Variants in NOS3 observed in about 807,000 individuals in gnomAD.
NOS3 encodes nitric oxide synthase 3.
Under a neutral mutation model 144.9 loss-of-function variants are expected in NOS3, and 98 were observed. The observed-to-expected ratio is 0.68, with a 90% CI of 0.57 to 0.80. The LOEUF (loss-of-function observed/expected upper bound fraction) is 0.80. Ranked by LOEUF, NOS3 falls within the 30% of genes least tolerant of loss-of-function variation. NOS3 has a pLI of 0.00. For missense variants in NOS3, 1,465 were observed against 1,656.4 expected (o/e 0.88, Z 2.01); for synonymous variants, 714 against 702.4 (o/e 1.02, Z -0.26).
Position 151,010,122 on chromosome 7 carries a change from TC to T in NOS3, c.2526del (p.Gly843AlafsTer115). On this transcript the variant is annotated frameshift_variant, in exon 21 of 27. Coordinates refer to ENST00000297494, the MANE Select transcript of NOS3 (RefSeq NM_000603.5). LOFTEE classifies it high-confidence loss of function. ...CCTGTGCACTATCCCCAGGTGGCCC[TC>T]CCCCCGGCTGGGTGCGGGACCCCCG... Reference protein sequence around the residue: ...QLEKGSPGGPPPGWVRDPRLP... With the variant: ...QLEKGSPGGPXPGWVRDPRLP... 6 of 1,591,236 alleles carry T rather than the reference TC, an allele frequency of 3.8e-6. No individual in the cohort carries two copies. The highest frequency in any genetic ancestry group is 4.3e-6 in the Non-Finnish European group (5 of 1,163,992).
chr7:151,006,627 C>G, intron 15 of NOS3, 133 bp downstream of exon 15: 1 of 793,964 alleles, frequency 1.3e-6, no homozygotes, highest in Non-Finnish European at 2.1e-6. Context: ...TCCAGGATGC[C>G]CTCCATTCCA....
Position 151,003,842 on chromosome 7 carries a change from T to A in NOS3, c.1752+1538T>A. ...CTGAGTGCCGTTCATTGTGTGAATA[T>A]CCCCAGTTTGTTTACCCATTCTCTT... On this transcript the variant is annotated intron_variant, in intron 14 of 26. Coordinates refer to ENST00000297494, the MANE Select transcript of NOS3 (RefSeq NM_000603.5). The surrounding 1 kb of genome is among the most constrained non-coding windows in gnomAD (Gnocchi z 4.1). 2.4e-6 allele frequency: 1 copy of A among 413,386 alleles called. No homozygotes were observed. The highest frequency in any genetic ancestry group is 5.1e-4 in the Middle Eastern group (1 of 1,970). The allele number at this position is 413,386 out of a possible 1,614,324, so 25.6% of individuals were successfully genotyped here.
chr7:150,996,687 G>T, intron 4 of NOS3, 76 bp from the exon 5 acceptor site: 2 of 1,525,468 alleles, frequency 1.3e-6, no homozygotes, highest in Non-Finnish European at 8.9e-7. Flanking sequence ...CCCAGCACTT[G>T]CACAAAGCCT....
intron 17 of NOS3, 52 bp downstream of exon 17, chr7:151,007,328 C>G (rs780051881): frequency 6.6e-7 from 1 of 1,520,250 alleles, no homozygotes; most frequent in South Asian, 1.2e-5. Flanking sequence ...GATGCCTCCT[C>G]CTGCCTCACT....
chr7:150,995,180 A>G, intron 2 of NOS3, 23 bp from the exon 3 acceptor site: 1 of 1,370,908 alleles, frequency 7.3e-7, no homozygotes, highest in Non-Finnish European at 1.0e-6. Flanking sequence ...CTTCCTGATG[A>G]CCCTATCCCT....
Position 151,006,483 on chromosome 7 carries a change from G to A in NOS3, c.1809G>A (p.Pro603=), listed in dbSNP as rs144881606. The change falls in exon 15 of 27, where the codon CCG becomes CCA. Residue 603 remains proline, a synonymous_variant. Transcript: ENST00000297494. ...MSGPYNSSPR[P]EQHKSYKIRF... ...GCCCCTACAACAGCTCCCCTCGGCC[G>A]GAACAGCACAAGTGAGTTGGGTGAG... 2.4e-4 allele frequency: 389 copies of A among 1,613,570 alleles called. No individual in the cohort carries two copies. The highest frequency in any genetic ancestry group is 2.8e-4 in the Non-Finnish European group (333 of 1,179,782).
chr7:151,003,406 G>C lies in NOS3; in HGVS notation c.1752+1102G>C. 8.2e-7 allele frequency: 1 copy of C among 1,225,602 alleles called. No individual in the cohort carries two copies. Among genetic ancestry groups the C allele is most frequent in the Non-Finnish European group, 1.0e-6 (1 of 954,934 alleles). The allele number at this position is 1,225,602 out of a possible 1,614,324, so 75.9% of individuals were successfully genotyped here. On this transcript the variant is annotated intron_variant, in intron 14 of 26. Transcript: ENST00000297494. This position sits in a 1 kb window ranked among gnomAD's most constrained non-coding sequence, Gnocchi z 4.1. ...CTCCCAAAGTGCTGCGATTATAGAC[G>C]TGAGCCACTGCACCTGGCCCTCAGT...
chr7:150,993,013 A>T lies in NOS3; in HGVS notation c.-51-740A>T, dbSNP rs1802287371. Among the ~76,000 whole-genome samples the T allele has an allele frequency of 1.3e-5, 2 of 152,082 alleles. No individual in the cohort carries two copies. Among genetic ancestry groups the T allele is most frequent in the South Asian group, 4.1e-4 (2 of 4,824 alleles). ...GGCCGGCTGACCCTGCCTCAGCCCT[A>T]GTCTCTCTGCTGACCTGCGGCCCCG... is the stretch of plus-strand genomic sequence containing the variant. On this transcript the variant is annotated intron_variant, in intron 1 of 26. Coordinates refer to ENST00000297494, the MANE Select transcript of NOS3 (RefSeq NM_000603.5). This position sits in a 1 kb window ranked among gnomAD's most constrained non-coding sequence, Gnocchi z 4.0.
At chr7:151,013,971 G>A (rs757162680) in intron 26 of NOS3, 37 bp from the exon 27 acceptor site, 27 of 1,607,416 alleles carry the variant, frequency 1.7e-5, no homozygotes, top group Non-Finnish European at 2.3e-5. Flanking sequence ...TAAGGTCTCC[G>A]AGTCGGGTTC....
In NOS3 at chr7:151,009,007, G is replaced by A; in HGVS notation, c.2190G>A (p.Trp730Ter). The change falls in exon 18 of 27, where the codon TGG becomes TGA. Residue 730 changes from tryptophan to a stop codon, truncating the protein, a stop_gained. Transcript: ENST00000297494. LOFTEE classifies it high-confidence loss of function. The part of the protein sequence containing the change: ...ARDIFSPKRS[W>*]KRQRYRLSAQ... ...ACATCTTCAGCCCCAAACGGAGCTG[G>A]AAGCGCCAGAGGTACCGGCTGAGCG... 1 of 1,612,096 alleles carries A rather than the reference G, an allele frequency of 6.2e-7. No homozygotes were observed. Among genetic ancestry groups the A allele is most frequent in the Non-Finnish European group, 8.5e-7 (1 of 1,179,548 alleles).
At chr7:151,010,324 A>G (rs374604688) in intron 21 of NOS3, 37 bp downstream of exon 21, 1 of 1,574,486 alleles carries the variant, frequency 6.4e-7, no homozygotes, top group African/African-American at 1.4e-5. Flanking sequence ...GGGGCTAGAG[A>G]GACGGGATGA....
Position 151,010,607 on chromosome 7 carries a change from G to C in NOS3, c.2696G>C (p.Arg899Pro), listed in dbSNP as rs138139729. ...ATCCTGCCCCGCCAGGATCCCCGAC[G>C]CTACGAGGAGTGGAAGTGGTTCCGC... ...ELEALSQDPRRYEEWKWFRCP... is the reference protein window; with the variant it reads ...ELEALSQDPRPYEEWKWFRCP... Residue 899 changes from arginine (R) to proline (P), a missense_variant, in exon 22 of 27, where the codon CGC (arginine) becomes CCC (proline). By Grantham distance (103) the Arg-to-Pro change is moderately radical. Around this residue, in one of 5 missense-constraint regions of NOS3, gnomAD observed 745 missense variants for 853.9 expected, o/e 0.87. Coordinates refer to ENST00000297494, the MANE Select transcript of NOS3 (RefSeq NM_000603.5). The C allele has an allele frequency of 1.3e-6, 2 of 1,591,894 alleles. No homozygotes were observed. Among genetic ancestry groups the C allele is most frequent in the African/African-American group, 1.3e-5 (1 of 74,636 alleles).
At position 151,009,284 on chromosome 7, in the gene NOS3, T is replaced by A; in HGVS notation, c.2324+17T>A. 1 of 1,603,954 alleles carries A rather than the reference T, an allele frequency of 6.2e-7. No individual in the cohort carries two copies. The highest frequency in any genetic ancestry group is 8.5e-7 in the Non-Finnish European group (1 of 1,173,592). On this transcript the variant is annotated intron_variant, in intron 19 of 26. Transcript: ENST00000297494. ...CAAGTCCACGTGAGGACGACGGCTT[T>A]ACCGCCCCCCCACCCCTGTCCTGAA...
chr7:151,001,849 G>A lies in NOS3; in HGVS notation c.1531G>A (p.Gly511Ser). The change falls in exon 13 of 27, where the codon GGC (glycine) becomes AGC (serine). Residue 511 changes from glycine to serine, a missense_variant. Gly to Ser is a moderately conservative substitution (Grantham distance 56). Transcript: ENST00000297494. Reference sequence around the variant, plus strand: ...CGTGAAGATCTCCGCCTCGCTCATGGGCACGGTGATGGCGAAGCGAGTGAA... The same window carrying A: ...CGTGAAGATCTCCGCCTCGCTCATGAGCACGGTGATGGCGAAGCGAGTGAA... ...NAVKISASLMGTVMAKRVKAT... is the reference protein window; with the variant it reads ...NAVKISASLMSTVMAKRVKAT... 6.2e-7 allele frequency: 1 copy of A among 1,613,518 alleles called. No homozygotes were observed. The highest frequency in any genetic ancestry group is 8.5e-7 in the Non-Finnish European group (1 of 1,179,952).
intron 23 of NOS3, among the ~76,000 whole-genome samples, 177 bp downstream of exon 23, chr7:151,011,163 T>G (rs1261080240): frequency 6.6e-6 from 1 of 152,110 alleles, no homozygotes; most frequent in Non-Finnish European, 1.5e-5. Flanking sequence ...CTCTCATTCA[T>G]TTAGACTCAG....
intron 23 of NOS3, chr7:151,012,081 G>A (rs1172315619): frequency 4.8e-6 from 2 of 418,412 alleles, no homozygotes; most frequent in Non-Finnish European, 8.8e-6. Flanking sequence ...AACTGAAAGT[G>A]TCTTTCACCC....
In NOS3 at chr7:151,006,490, C is replaced by T. The variant is rs773977187; in HGVS notation, c.1816C>T (p.His606Tyr). Residue 606 changes from histidine (H) to tyrosine (Y), a missense_variant, in exon 15 of 27, where the codon CAC becomes TAC. His to Tyr is a moderately conservative substitution (Grantham distance 83). Coordinates refer to ENST00000297494, the MANE Select transcript of NOS3 (RefSeq NM_000603.5). ...CAACAGCTCCCCTCGGCCGGAACAG[C>T]ACAAGTGAGTTGGGTGAGAGTTTGG... ...PYNSSPRPEQ[H>Y]KSYKIRFNSI... The T allele has an allele frequency of 1.2e-6, 2 of 1,613,068 alleles. No homozygotes were observed. Among genetic ancestry groups the T allele is most frequent in the Non-Finnish European group, 1.7e-6 (2 of 1,179,482 alleles).
At chr7:151,012,022 A>G in intron 23 of NOS3, 3 of 308,126 alleles carry the variant, frequency 9.7e-6, no homozygotes, top group Non-Finnish European at 6.4e-6. Flanking sequence ...TAAACTAAAT[A>G]CCACTATTAA....
chr7:151,006,753 C>A, intron 15 of NOS3, 136 bp from the exon 16 acceptor site: 1 of 766,058 alleles, frequency 1.3e-6, no homozygotes, highest in Non-Finnish European at 2.2e-6. Flanking sequence ...GGGATGCTGG[C>A]CCTCAGCCCC....
Sources: gnomAD v4.1 joint callset for allele counts (sites outside exome capture counted in the v4.1 genomes callset) on GRCh38, gnomAD v4.1.1 for gene constraint, gnomAD v4.1.1 regional missense constraint, Gnocchi (gnomAD v3.1) non-coding constraint, MANE v1.5 for transcripts, NCBI Gene and HGNC (gene_info 2026-07-23, HGNC 2026-07-21) for gene names.